DLG2: variants seen among roughly 807,000 people sequenced by gnomAD.
DLG2 encodes the protein disks large homolog 2.
DLG2 carries 45 observed loss-of-function variants against 132.5 expected under a neutral mutation model. The observed-to-expected ratio is 0.34, with a 90% CI of 0.27 to 0.44. DLG2 has a LOEUF of 0.44. DLG2 is among the 20% of genes least tolerant of loss of function. DLG2 has a pLI of 1.00. For synonymous variants in DLG2, 424 were observed against 419.6 expected (o/e 1.01, Z -0.13); for missense variants, 1,045 against 1,196.9 (o/e 0.87, Z 1.87).
chr11:84,074,766 G>T (rs2096803521), intron 10 of DLG2, among the ~76,000 whole-genome samples: 1 of 151,920 alleles, frequency 6.6e-6, no homozygotes, highest in Admixed American at 6.6e-5. Flanking sequence ...CTGACCTCGT[G>T]ATCTGCCCAC....
intron 7 of DLG2, among the ~76,000 whole-genome samples, chr11:84,391,523 TCAAA>T (rs2098792496): frequency 6.6e-6 from 1 of 152,156 alleles, no homozygotes; most frequent in Non-Finnish European, 1.5e-5. Context: ...ATATTAAGTA[TCAAA>T]CAATCGATAT....
chr11:85,023,092 TAGG>T (rs1323367593), intron 6 of DLG2, among the ~76,000 whole-genome samples: 1 of 151,848 alleles, frequency 6.6e-6, no homozygotes, highest in Non-Finnish European at 1.5e-5. Context: ...AATGAAAAGT[TAGG>T]AGTTTTTTTC....
At chr11:84,981,342 T>C (rs566079382) in intron 6 of DLG2, among the ~76,000 whole-genome samples, 7 of 152,290 alleles carry the variant, frequency 4.6e-5, no homozygotes, top group African/African-American at 1.7e-4. Context: ...TCCTTGAGGC[T>C]GAGAGTTATG....
rs186459511 is a variant in DLG2 at position 84,162,645 on chromosome 11, C to T, written c.624+816G>A. On this transcript the variant is annotated intron_variant, in intron 9 of 27. Transcript: ENST00000376104. ...TCAAAGAGTGTATTCATTTTAAAGG[C>T]TTTTAATCTATGTTTCCAAATTGCT... Among the ~76,000 whole-genome samples the T allele has an allele frequency of 2.9e-3, 440 of 152,118 alleles. 4 individuals carry two copies. Among genetic ancestry groups the T allele is most frequent in the African/African-American group, 0.01 (430 of 41,538 alleles).
At chr11:85,504,267 T>C (rs2093875619) in intron 3 of DLG2, among the ~76,000 whole-genome samples, 1 of 152,256 alleles carries the variant, frequency 6.6e-6, no homozygotes, top group South Asian at 2.1e-4. Flanking sequence ...TTTTGGTGTT[T>C]TAGTCATGAA....
intron 6 of DLG2, among the ~76,000 whole-genome samples, chr11:84,829,245 T>C (rs1319851034): frequency 6.6e-6 from 1 of 151,634 alleles, no homozygotes; most frequent in Non-Finnish European, 1.5e-5. Context: ...TTTTGATTAA[T>C]GGAATGTGAG....
chr11:84,572,509 A>C (rs2099487817), intron 6 of DLG2, among the ~76,000 whole-genome samples: 1 of 152,180 alleles, frequency 6.6e-6, no homozygotes, highest in African/African-American at 2.4e-5. Context: ...CTTTAGGCCC[A>C]CAGGCTTTAA....
chr11:85,495,763 C>G (rs1208233816), intron 3 of DLG2, among the ~76,000 whole-genome samples: 1 of 152,158 alleles, frequency 6.6e-6, no homozygotes, highest in Non-Finnish European at 1.5e-5. Flanking sequence ...CCATTTGACC[C>G]AGCAATTCCA....
intron 6 of DLG2, among the ~76,000 whole-genome samples, chr11:84,943,636 C>G (rs2049790873): frequency 6.6e-6 from 1 of 152,162 alleles, no homozygotes; most frequent in Admixed American, 6.5e-5. Flanking sequence ...AACACTTTAA[C>G]TTCATCCCCC....
At chr11:84,869,121 C>T (rs933101652) in intron 6 of DLG2, among the ~76,000 whole-genome samples, 2 of 152,186 alleles carry the variant, frequency 1.3e-5, no homozygotes, top group African/African-American at 4.8e-5. Context: ...ATCACTATTT[C>T]TCTGCATCTG....
intron 17 of DLG2, among the ~76,000 whole-genome samples, chr11:83,831,293 T>C (rs1232236711): frequency 6.6e-6 from 1 of 152,198 alleles, no homozygotes; most frequent in Non-Finnish European, 1.5e-5. Context: ...GTTTAAGGAA[T>C]GATGCTCAGC....
chr11:85,458,548 G>A (rs1205958421), intron 3 of DLG2, among the ~76,000 whole-genome samples: 3 of 152,150 alleles, frequency 2.0e-5, no homozygotes, highest in Admixed American at 6.5e-5. Flanking sequence ...TTTCATCTGT[G>A]TTGGCTTGTG....
chr11:83,753,837 T>C (rs1237092785), intron 18 of DLG2, among the ~76,000 whole-genome samples: 601 of 11,048 alleles, frequency 0.054, 58 homozygotes, highest in African/African-American at 0.21. Context: ...ATATATATGA[T>C]ATATATCATA....
chr11:85,051,530 A>G (rs2062889440), intron 6 of DLG2, among the ~76,000 whole-genome samples: 1 of 152,218 alleles, frequency 6.6e-6, no homozygotes, highest in Admixed American at 6.5e-5. Flanking sequence ...ATTAATAAAC[A>G]AAACAGACAC....
At chr11:84,365,349 G>C (rs1434216380) in intron 7 of DLG2, among the ~76,000 whole-genome samples, 2 of 151,804 alleles carry the variant, frequency 1.3e-5, no homozygotes, top group Admixed American at 6.6e-5. Flanking sequence ...CTGTGGGATC[G>C]GTGGTGATAT....
At chr11:84,704,807 C>A (rs1011672760) in intron 6 of DLG2, among the ~76,000 whole-genome samples, 6 of 150,666 alleles carry the variant, frequency 4.0e-5, no homozygotes, top group Non-Finnish European at 5.9e-5. Context: ...TAGACAGAAA[C>A]CCTGATTAAA....
chr11:85,127,039 G>A (rs1207942876), intron 5 of DLG2, among the ~76,000 whole-genome samples: 3 of 152,014 alleles, frequency 2.0e-5, no homozygotes, highest in Admixed American at 6.6e-5. Flanking sequence ...GGGCAAGCTG[G>A]GATTTGGAAC....
At chr11:84,079,083 G>A (rs1297486627) in intron 10 of DLG2, among the ~76,000 whole-genome samples, 1 of 152,278 alleles carries the variant, frequency 6.6e-6, no homozygotes, top group South Asian at 2.1e-4. Context: ...CCAGGACAAA[G>A]AGGACACAGA....
chr11:83,618,292 C>A (rs2061138569), intron 19 of DLG2, among the ~76,000 whole-genome samples: 2 of 151,768 alleles, frequency 1.3e-5, no homozygotes, highest in African/African-American at 2.4e-5. Context: ...ATATATATCA[C>A]TAGATTTATT....
Sources: gnomAD v4.1 joint callset for allele counts (sites outside exome capture counted in the v4.1 genomes callset) on GRCh38, gnomAD v4.1.1 for gene constraint, MANE v1.5 for transcripts, NCBI Gene and HGNC (gene_info 2026-07-23, HGNC 2026-07-21) for gene names.